The following CLCN3 variants were observed in gnomAD, a reference collection of about 807,000 sequenced individuals.
The protein encoded by CLCN3 is H(+)/Cl(-) exchange transporter 3.
CLCN3 carries 16 observed loss-of-function variants against 83.4 expected under a neutral mutation model. The ratio of observed to expected loss-of-function variants is 0.19; its 90% CI spans 0.13 to 0.29. The LOEUF is 0.29. Ranked by LOEUF, CLCN3 falls within the 10% of genes least tolerant of loss-of-function variation. CLCN3 has a pLI of 1.00. For missense variants in CLCN3, 544 were observed against 1,006.0 expected (o/e 0.54, Z 6.21); for synonymous variants, 322 against 346.2 (o/e 0.93, Z 0.78).
intron 11 of CLCN3, among the ~76,000 whole-genome samples, chr4:169,709,675 C>T (rs1733133330): frequency 6.9e-6 from 1 of 145,644 alleles, no homozygotes; most frequent in Non-Finnish European, 1.5e-5. Flanking sequence ...AAAACCCTGT[C>T]TCAAAAAAAA....
chr4:169,694,293 A>G (rs771203671), intron 7 of CLCN3, among the ~76,000 whole-genome samples: 12 of 152,322 alleles, frequency 7.9e-5, no homozygotes, highest in Admixed American at 1.3e-4. Context: ...GAGCTAAGTA[A>G]TATTATCACG....
intron 2 of CLCN3, among the ~76,000 whole-genome samples, chr4:169,674,010 A>C (rs1208372571): frequency 8.5e-5 from 13 of 152,192 alleles, no homozygotes; most frequent in Admixed American, 8.5e-4. Flanking sequence ...ACACTTTTCA[A>C]AATCAGAACA....
chr4:169,694,762 C>A lies in CLCN3; in HGVS notation c.937-850C>A, dbSNP rs374318584. ...GCTGAGGCAGGAGAATCACTTGAAC[C>A]CAGGAGGTGGAGGTTGCAGTGAGCT... On this transcript the variant is annotated intron_variant, in intron 7 of 12. Transcript: ENST00000513761. Among the ~76,000 whole-genome samples the A allele has an allele frequency of 4.1e-4, 62 of 152,234 alleles. 3 individuals are homozygous for A. The East Asian group carries it at 0.01, about 25-fold the overall frequency.
At position 169,620,593 on chromosome 4, in the gene CLCN3, G is replaced by GGGTCA. The variant is rs1773086449; in HGVS notation, c.-484_-480dup. 1 of 396,756 alleles carries GGGTCA rather than the reference G, an allele frequency of 2.5e-6. No individual in the cohort carries two copies. Among genetic ancestry groups the GGGTCA allele is most frequent in the East Asian group, 3.6e-5 (1 of 28,046 alleles). The allele number at this position is 396,756 out of a possible 1,614,324, so 24.6% of individuals were successfully genotyped here. A position where few individuals can be genotyped will look rare whatever the true frequency, so the allele number is the denominator to read the frequency against. ...CCTGCCGCTTCTCTTCCCCTTCCGTGGGTCAGGGCCGGTCCGGTCCGGAAC... is the reference window on the plus strand; with the variant it reads ...CCTGCCGCTTCTCTTCCCCTTCCGTGGGTCAGGTCAGGGCCGGTCCGGTCCGGAAC... On this transcript the variant is annotated 5_prime_UTR_variant, in exon 1 of 13. Coordinates refer to ENST00000513761, the MANE Select transcript of CLCN3 (RefSeq NM_001829.4).
chr4:169,637,331 C>A (rs1034037481), intron 2 of CLCN3, among the ~76,000 whole-genome samples: 1 of 151,926 alleles, frequency 6.6e-6, no homozygotes, highest in Non-Finnish European at 1.5e-5. Flanking sequence ...AAGATATCAT[C>A]AATTCTAATG....
chr4:169,637,054 G>C (rs1431185132), intron 2 of CLCN3, among the ~76,000 whole-genome samples: 1 of 151,910 alleles, frequency 6.6e-6, no homozygotes, highest in East Asian at 1.9e-4. Flanking sequence ...TTAAAAAATT[G>C]GCTATTCCAG....
At chr4:169,649,247 C>T (rs1353017194) in intron 2 of CLCN3, among the ~76,000 whole-genome samples, 1 of 152,076 alleles carries the variant, frequency 6.6e-6, no homozygotes, top group Non-Finnish European at 1.5e-5. Context: ...AGAATGATAA[C>T]TAGAAAGCGA....
chr4:169,711,862 A>AT, intron 11 of CLCN3, among the ~76,000 whole-genome samples: 1 of 152,126 alleles, frequency 6.6e-6, no homozygotes, highest in East Asian at 1.9e-4. Flanking sequence ...GTATTCAAAA[A>AT]ATATATTTTT....
chr4:169,668,042 C>CTTTTTTTTT (rs780656327), intron 2 of CLCN3, among the ~76,000 whole-genome samples: 1 of 93,634 alleles, frequency 1.1e-5, no homozygotes, highest in African/African-American at 4.4e-5. Flanking sequence ...CCCGGCCAGA[C>CTTTTTTTTT]ATTTTTTTTT....
rs930834773 is a variant in CLCN3 at position 169,674,661 on chromosome 4, A to AATT, written c.161-5373_161-5371dup. ...TAAACCTTTGGCCAAGAATGGTATC[A>AATT]ATTATTATTATTATTATTTTTTGGA... On this transcript the variant is annotated intron_variant, in intron 2 of 12. Coordinates refer to ENST00000513761, the MANE Select transcript of CLCN3 (RefSeq NM_001829.4). Among the ~76,000 whole-genome samples the AATT allele has an allele frequency of 2.0e-4, 31 of 152,138 alleles. No individual in the cohort carries two copies. The South Asian group carries it at 6.0e-3, about 30-fold the overall frequency.
intron 2 of CLCN3, 29 bp downstream of exon 2, chr4:169,636,117 G>A (rs1560829098): frequency 6.3e-7 from 1 of 1,579,070 alleles, no homozygotes; most frequent in South Asian, 1.1e-5. Context: ...CCTAATGTTT[G>A]TATTCATGAA....
At chr4:169,717,651 T>G in intron 12 of CLCN3, 2 of 489,386 alleles carry the variant, frequency 4.1e-6, no homozygotes, top group Non-Finnish European at 7.3e-6. Context: ...CTTTAAATCA[T>G]TTTGTTTTTA....
In CLCN3 at chr4:169,635,926, T is replaced by G. The variant is rs764854983; in HGVS notation, c.-3T>G. ...TCCCCCCCACAGATAATCAGACAGC[T>G]AAATGGAGTCTGAGCAGCTGTTCCA... On this transcript the variant is annotated 5_prime_UTR_variant, in exon 2 of 13. Coordinates refer to ENST00000513761, the MANE Select transcript of CLCN3 (RefSeq NM_001829.4). The G allele has an allele frequency of 6.4e-7, 1 of 1,573,604 alleles. No individual in the cohort carries two copies. The highest frequency in any genetic ancestry group is 1.2e-5 in the South Asian group (1 of 84,746).
At chr4:169,651,053 G>GT (rs754710961) in intron 2 of CLCN3, among the ~76,000 whole-genome samples, 5 of 152,028 alleles carry the variant, frequency 3.3e-5, no homozygotes, top group Non-Finnish European at 7.4e-5. Context: ...AGTCAATCAA[G>GT]TACTGGATAG....
At chr4:169,706,482 GC>G (rs1310652157) in intron 10 of CLCN3, among the ~76,000 whole-genome samples, 2 of 152,142 alleles carry the variant, frequency 1.3e-5, no homozygotes, top group Non-Finnish European at 1.5e-5. Context: ...TTGTAGCAAA[GC>G]ATGATGTGCT....
intron 1 of CLCN3, among the ~76,000 whole-genome samples, chr4:169,632,652 G>A (rs1376717510): frequency 7.5e-6 from 1 of 132,790 alleles, no homozygotes; most frequent in Non-Finnish European, 1.6e-5. Flanking sequence ...AGGAGGCGGA[G>A]TTTGCAGTGA....
chr4:169,711,536 G>A lies in CLCN3; in HGVS notation c.2150-1543G>A, dbSNP rs185831350. Reference sequence around the variant, plus strand: ...CAGCTAATTTTGTATTTTTAGTAGAGACAGGGTTTCACCATGTTGGCCAGG... The same window carrying A: ...CAGCTAATTTTGTATTTTTAGTAGAAACAGGGTTTCACCATGTTGGCCAGG... On this transcript the variant is annotated intron_variant, in intron 11 of 12. Coordinates refer to ENST00000513761, the MANE Select transcript of CLCN3 (RefSeq NM_001829.4). 8.2e-4 allele frequency among the ~76,000 whole-genome samples: 125 copies of A among 152,216 alleles called. 1 individual carries two copies. Among genetic ancestry groups the A allele is most frequent in the Non-Finnish European group, 7.4e-5 (5 of 68,014 alleles).
intron 2 of CLCN3, among the ~76,000 whole-genome samples, chr4:169,639,432 G>A (rs996760250): frequency 1.3e-5 from 2 of 152,042 alleles, no homozygotes; most frequent in African/African-American, 2.4e-5. Context: ...TTTTAAATTC[G>A]GTGGTACAGA....
chr4:169,643,238 A>G (rs533487498), intron 2 of CLCN3: 3 of 152,284 alleles, frequency 2.0e-5, no homozygotes, highest in African/African-American at 7.2e-5. Flanking sequence ...TAAAATATAT[A>G]TATATTTTTG....
Sources: gnomAD v4.1 joint callset for allele counts (sites outside exome capture counted in the v4.1 genomes callset) on GRCh38, gnomAD v4.1.1 for gene constraint, MANE v1.5 for transcripts, NCBI Gene and HGNC (gene_info 2026-07-23, HGNC 2026-07-21) for gene names.